Variants in AKNA observed in about 807,000 individuals in gnomAD.
AKNA encodes AT-hook transcription factor.
In AKNA, 67 loss-of-function variants were observed where a neutral mutation model predicts 138.8. That is an observed-to-expected ratio of 0.48 (90% CI 0.40 to 0.59). AKNA has a LOEUF of 0.59. AKNA is among the 20% of genes least tolerant of loss of function. The pLI is 0.00. For synonymous variants in AKNA, 737 were observed against 754.4 expected (o/e 0.98, Z 0.38); for missense variants, 1,813 against 1,880.4 (o/e 0.96, Z 0.66).
At chr9:114,345,811 C>T in intron 18 of AKNA, 52 bp downstream of exon 18, 9 of 1,570,900 alleles carry the variant, frequency 5.7e-6, no homozygotes, top group Admixed American at 3.5e-5. Flanking sequence ...AACAGAGGAG[C>T]CCCCGCTGAC....
Position 114,387,914 on chromosome 9 carries a change from G to A in AKNA, c.-168C>T, listed in dbSNP as rs1412358614. On this transcript the variant is annotated 5_prime_UTR_variant, in exon 1 of 22. Coordinates refer to ENST00000374088, the MANE Select transcript of AKNA (RefSeq NM_001317950.2). ...ACCCAGTTTCAGGGGACCTGCCTGT[G>A]AATTCTTTGTTCCAAACCCAGGGAG... The A allele has an allele frequency of 8.8e-6, 4 of 454,828 alleles. No individual in the cohort carries two copies. Among genetic ancestry groups the A allele is most frequent in the South Asian group, 1.6e-5 (1 of 64,412 alleles). The allele number at this position is 454,828 out of a possible 1,614,324, so 28.2% of individuals were successfully genotyped here.
In AKNA at chr9:114,336,218, G is replaced by A. The variant is rs1829985457; in HGVS notation, c.*836C>T. 1 of 152,632 alleles carries A rather than the reference G, an allele frequency of 6.6e-6. No individual in the cohort carries two copies. The highest frequency in any genetic ancestry group is 2.4e-5 in the African/African-American group (1 of 41,444). The allele number at this position is 152,632 out of a possible 1,614,324, so 9.5% of individuals were successfully genotyped here. ...TCGTAACGAAAATAGATTTTTAAAT[G>A]CCTCAAATATACAAACATCATTGAT... On this transcript the variant is annotated 3_prime_UTR_variant, in exon 22 of 22. Transcript: ENST00000374088.
chr9:114,362,317 A>G, intron 8 of AKNA, 89 bp downstream of exon 8: 1 of 1,461,374 alleles, frequency 6.8e-7, no homozygotes, highest in Non-Finnish European at 9.1e-7. Flanking sequence ...TGTACAAATT[A>G]TAAGGACAAA....
In AKNA at chr9:114,360,229, G is replaced by A. The variant is rs550180286; in HGVS notation, c.2125-167C>T. The stretch of plus-strand genomic sequence containing the variant: ...ATGTGTAAACTATGGAGACTGGGCT[G>A]TGTGGTCTTCGATACTGGCTGCCAT... On this transcript the variant is annotated intron_variant, in intron 9 of 21. Coordinates refer to ENST00000374088, the MANE Select transcript of AKNA (RefSeq NM_001317950.2). The A allele has an allele frequency of 7.6e-4, 616 of 810,402 alleles. 7 individuals carry two copies. The South Asian group carries it at 9.9e-3, about 13-fold the overall frequency. 50.2% of individuals were successfully genotyped at this position (810,402 alleles called of 1,614,324 possible). A position where few individuals can be genotyped will look rare whatever the true frequency, so the allele number is the denominator to read the frequency against.
Position 114,359,777 on chromosome 9 carries a change from G to A in AKNA, c.2309C>T (p.Ser770Phe). ...GLMERYLSVK[S>F]LPEAMRMEEE... ...CTCCATTCTCATGGCTTCTGGGAGA[G>A]ACTTCACACTGAGGTACCTGCAGAA... The change falls in exon 11 of 22, where the codon TCT becomes TTT. Residue 770 changes from serine to phenylalanine, a missense_variant. Transcript: ENST00000374088. 1.0e-5 allele frequency: 16 copies of A among 1,599,086 alleles called. No homozygotes were observed. Among genetic ancestry groups the A allele is most frequent in the Non-Finnish European group, 1.4e-5 (16 of 1,171,678 alleles).
At chr9:114,385,477 G>C (rs1414096383) in intron 1 of AKNA, among the ~76,000 whole-genome samples, 1 of 152,256 alleles carries the variant, frequency 6.6e-6, no homozygotes, top group Non-Finnish European at 1.5e-5. Flanking sequence ...CCTCTGCTGA[G>C]GAAGGGGCCG....
At chr9:114,350,346 G>C (rs1291467600) in intron 15 of AKNA, among the ~76,000 whole-genome samples, 1 of 152,140 alleles carries the variant, frequency 6.6e-6, no homozygotes, top group Non-Finnish European at 1.5e-5. Context: ...ACCCACTCCA[G>C]CAAGGGTGTG....
rs1474128343 is a variant in AKNA, at chr9:114,355,998, G to A, written c.2985C>T (p.Leu995=). 1 of 1,614,214 alleles carries A rather than the reference G, an allele frequency of 6.2e-7. No homozygotes were observed. Among genetic ancestry groups the A allele is most frequent in the South Asian group, 1.1e-5 (1 of 91,086 alleles). The change falls in exon 14 of 22, where the codon CTC becomes CTT. Residue 995 remains leucine (L), a synonymous_variant. Coordinates refer to ENST00000374088, the MANE Select transcript of AKNA (RefSeq NM_001317950.2). The part of the protein sequence containing the change: ...STPRSQAQRY[L]SSPSGPLRQR... ...GCCGGAGAGGCCCACTTGGGCTGGAGAGGTACCTCTGTGCTTGGCTCCGGG... is the reference window on the plus strand; with the variant it reads ...GCCGGAGAGGCCCACTTGGGCTGGAAAGGTACCTCTGTGCTTGGCTCCGGG...
Position 114,376,899 on chromosome 9 carries a change from G to A in AKNA, c.908C>T (p.Ser303Leu). The A allele has an allele frequency of 1.2e-6, 2 of 1,614,250 alleles. No individual in the cohort carries two copies. The highest frequency in any genetic ancestry group is 1.7e-6 in the Non-Finnish European group (2 of 1,180,034). The change falls in exon 3 of 22, where the codon TCA (serine) becomes TTA (leucine). Residue 303 changes from serine to leucine, a missense_variant. Physicochemically the swap from Ser to Leu is moderately radical, Grantham distance 145. Coordinates refer to ENST00000374088, the MANE Select transcript of AKNA (RefSeq NM_001317950.2). ...KEHIWKQTKTSPKPLPSRFIG... is the reference protein window; with the variant it reads ...KEHIWKQTKTLPKPLPSRFIG... ...GAATCGGGAAGGGAGTGGCTTAGGTGACGTCTTTGTCTGCTTCCAGATGTG... is the reference window on the plus strand; with the variant it reads ...GAATCGGGAAGGGAGTGGCTTAGGTAACGTCTTTGTCTGCTTCCAGATGTG...
At chr9:114,377,718 T>TTCAAAC (rs1164757528) in intron 2 of AKNA, 186 bp from the exon 3 acceptor site, 3 of 664,560 alleles carry the variant, frequency 4.5e-6, no homozygotes, top group Non-Finnish European at 4.9e-6. Flanking sequence ...TCAGAGGTCC[T>TTCAAAC]TCAAACTCAA....
intron 16 of AKNA, among the ~76,000 whole-genome samples, chr9:114,346,996 A>C (rs957370770): frequency 2.0e-5 from 3 of 152,238 alleles, no homozygotes; most frequent in African/African-American, 7.2e-5. Flanking sequence ...TGGGGATAAT[A>C]ACAGCAATTA....
At chr9:114,384,616 G>C (rs1147315) in intron 1 of AKNA, among the ~76,000 whole-genome samples, 1 of 152,122 alleles carries the variant, frequency 6.6e-6, no homozygotes, top group Admixed American at 6.5e-5. Flanking sequence ...AAAGTAAGTA[G>C]ATTTTCTCTT....
chr9:114,371,777 G>A (rs1429941427), intron 4 of AKNA, among the ~76,000 whole-genome samples: 1 of 152,126 alleles, frequency 6.6e-6, no homozygotes, highest in Non-Finnish European at 1.5e-5. Flanking sequence ...CATCCCCAGC[G>A]CGGCTCCCTC....
upstream of AKNA, among the ~76,000 whole-genome samples, chr9:114,388,648 C>G (rs943302511): frequency 6.6e-6 from 1 of 152,206 alleles, no homozygotes; most frequent in African/African-American, 2.4e-5. Flanking sequence ...GGGAACAGAT[C>G]GATCCTGATG....
intron 6 of AKNA, among the ~76,000 whole-genome samples, chr9:114,365,179 A>G (rs898033400): frequency 2.6e-5 from 4 of 152,236 alleles, no homozygotes; most frequent in Non-Finnish European, 5.9e-5. Flanking sequence ...GCTTCTGGGA[A>G]GGAGAACTGG....
intron 2 of AKNA, among the ~76,000 whole-genome samples, chr9:114,379,165 C>T (rs1833454377): frequency 6.6e-6 from 1 of 152,214 alleles, no homozygotes; most frequent in Admixed American, 6.5e-5. Flanking sequence ...GGTGAAGGGG[C>T]CTGGGCTTTG....
At chr9:114,360,099 G>T in intron 9 of AKNA, 37 bp from the exon 10 acceptor site, 3 of 1,613,538 alleles carry the variant, frequency 1.9e-6, no homozygotes, top group Non-Finnish European at 2.5e-6. Flanking sequence ...AGATTCAGCA[G>T]ATAGTTAAAC....
intron 2 of AKNA, among the ~76,000 whole-genome samples, chr9:114,378,924 C>G (rs1379188043): frequency 2.6e-5 from 4 of 152,230 alleles, no homozygotes; most frequent in African/African-American, 9.6e-5. Context: ...GCAGATGCAC[C>G]TTTGTCGCAC....
At chr9:114,351,127 T>C (rs1831091640) in intron 14 of AKNA, 106 bp from the exon 15 acceptor site, 2 of 1,194,848 alleles carry the variant, frequency 1.7e-6, no homozygotes, top group Admixed American at 2.1e-5. Context: ...CGGTGCCTAG[T>C]TCAAGGTCAC....
Sources: allele counts gnomAD v4.1 joint callset (sites outside exome capture counted in the v4.1 genomes callset), GRCh38; gene constraint gnomAD v4.1.1; transcripts MANE v1.5; gene names NCBI Gene and HGNC (gene_info 2026-07-23, HGNC 2026-07-21).